The following MBD5 variants were observed in gnomAD, a reference collection of about 807,000 sequenced individuals.
MBD5 encodes the protein methyl-CpG binding domain protein 5, also known as methyl-CpG-binding domain protein 5.
In MBD5, 13 loss-of-function variants were observed where a neutral mutation model predicts 117.3. The ratio of observed to expected loss-of-function variants is 0.11; its 90% confidence interval spans 0.07 to 0.18. MBD5 has a LOEUF of 0.18. Ranked by LOEUF, MBD5 falls within the 10% of genes least tolerant of loss-of-function variation. The pLI is 1.00. For synonymous variants in MBD5, 727 were observed against 766.4 expected (o/e 0.95, Z 0.85); for missense variants, 1,879 against 2,093.8 (o/e 0.90, Z 2.00).
intron 8 of MBD5, among the ~76,000 whole-genome samples, chr2:148,478,188 T>C (rs1681031219): frequency 6.6e-6 from 1 of 152,204 alleles, no homozygotes; most frequent in African/African-American, 2.4e-5. Flanking sequence ...TAAATTAATA[T>C]TAGGAAAATA....
intron 3 of MBD5, among the ~76,000 whole-genome samples, chr2:148,255,132 C>T (rs1342616935): frequency 6.6e-5 from 10 of 152,190 alleles, no homozygotes; most frequent in Admixed American, 1.3e-4. Context: ...TGTTAACCTA[C>T]GGTCAAAACG....
chr2:148,424,263 A>T (rs1156579990), intron 4 of MBD5, among the ~76,000 whole-genome samples: 3 of 151,380 alleles, frequency 2.0e-5, no homozygotes, highest in African/African-American at 7.3e-5. Context: ...ACTTTAAACC[A>T]ACAAAGATCA....
At chr2:148,491,917 G>A (rs1338061947) in intron 11 of MBD5, among the ~76,000 whole-genome samples, 1 of 151,888 alleles carries the variant, frequency 6.6e-6, no homozygotes, top group African/African-American at 2.4e-5. Flanking sequence ...TACAATGTCT[G>A]TGCAAACGAA....
chr2:148,036,670 G>C (rs1052345093), intron 1 of MBD5, among the ~76,000 whole-genome samples: 2 of 151,852 alleles, frequency 1.3e-5, no homozygotes, highest in African/African-American at 4.8e-5. Context: ...TACTATATAT[G>C]GGCTCAGTGC....
chr2:148,458,164 C>T (rs1001509468), intron 4 of MBD5, 39 bp from the exon 5 acceptor site: 2 of 398,230 alleles, frequency 5.0e-6, no homozygotes, highest in East Asian at 7.1e-5. Flanking sequence ...CAGTTTTCAA[C>T]ATTAAATATA....
chr2:148,387,394 A>G (rs1053614630), intron 4 of MBD5, among the ~76,000 whole-genome samples: 19 of 152,274 alleles, frequency 1.2e-4, no homozygotes, highest in African/African-American at 4.6e-4. Flanking sequence ...AATAGAAAGG[A>G]AGTCCTTAAC....
In MBD5 at chr2:148,286,749, G is replaced by A. The variant is rs554378899; in HGVS notation, c.-680+53354G>A. ...TTGTTGTTATTATCTAAGAATAATT[G>A]CAGCCAGGACAAGGAATCTAAATGA... On this transcript the variant is annotated intron_variant, in intron 3 of 13. Transcript: ENST00000642680. Among the ~76,000 whole-genome samples the A allele has an allele frequency of 1.2e-4, 19 of 152,164 alleles. 1 individual carries two copies. The South Asian group carries it at 3.1e-3, about 25-fold the overall frequency.
intron 11 of MBD5, among the ~76,000 whole-genome samples, chr2:148,496,832 T>G (rs1681717389): frequency 6.6e-6 from 1 of 152,188 alleles, no homozygotes; most frequent in South Asian, 2.1e-4. Flanking sequence ...GGTTAGTTCA[T>G]TTGAAAAAAA....
chr2:148,308,721 CTT>C (rs1002375530), intron 3 of MBD5, among the ~76,000 whole-genome samples: 15 of 152,024 alleles, frequency 9.9e-5, no homozygotes, highest in African/African-American at 3.4e-4. Context: ...GTCTTGAAGT[CTT>C]TGCCCATGCC....
chr2:148,122,267 A>G (rs1558934759), intron 1 of MBD5, among the ~76,000 whole-genome samples: 1 of 152,180 alleles, frequency 6.6e-6, no homozygotes. Context: ...CACTAAATTT[A>G]TTGACTTTTA....
intron 4 of MBD5, among the ~76,000 whole-genome samples, chr2:148,371,607 T>A (rs1285698595): frequency 6.6e-6 from 1 of 152,162 alleles, no homozygotes; most frequent in East Asian, 1.9e-4. Flanking sequence ...AAGTGTGTGA[T>A]CTTTTAGTAA....
chr2:148,158,539 A>G (rs1164678714), intron 1 of MBD5, among the ~76,000 whole-genome samples: 1 of 152,216 alleles, frequency 6.6e-6, no homozygotes, highest in Non-Finnish European at 1.5e-5. Context: ...AAACGTTACT[A>G]GTATACCAAC....
intron 2 of MBD5, among the ~76,000 whole-genome samples, chr2:148,221,004 T>C (rs1053388562): frequency 3.3e-5 from 5 of 152,152 alleles, no homozygotes; most frequent in African/African-American, 1.2e-4. Context: ...GTTTTGATTT[T>C]TAGATCTCAC....
chr2:148,326,818 A>G, intron 3 of MBD5, among the ~76,000 whole-genome samples: 1 of 150,920 alleles, frequency 6.6e-6, no homozygotes, highest in African/African-American at 2.4e-5. Context: ...TTTTAATTGG[A>G]GCATTTAGTC....
chr2:148,393,896 G>A (rs1704633185), intron 4 of MBD5, among the ~76,000 whole-genome samples: 5 of 152,094 alleles, frequency 3.3e-5, no homozygotes, highest in Admixed American at 3.3e-4. Context: ...GGCATGTTGG[G>A]GGCAATAGGA....
intron 11 of MBD5, among the ~76,000 whole-genome samples, chr2:148,497,023 A>T (rs1369344252): frequency 1.3e-5 from 2 of 152,036 alleles, no homozygotes; most frequent in South Asian, 2.1e-4. Flanking sequence ...GTTAGCAGAA[A>T]TTTTTTCAGT....
chr2:148,405,916 C>T (rs1393130536), intron 4 of MBD5, among the ~76,000 whole-genome samples: 1 of 152,010 alleles, frequency 6.6e-6, no homozygotes, highest in Non-Finnish European at 1.5e-5. Context: ...CCCAGGAGTT[C>T]GAGACCAGCC....
At chr2:148,368,658 T>C (rs1030614421) in intron 4 of MBD5, among the ~76,000 whole-genome samples, 2 of 152,018 alleles carry the variant, frequency 1.3e-5, no homozygotes, top group African/African-American at 4.8e-5. Context: ...AATTTGAGCA[T>C]TAAGATAAAT....
At position 148,151,864 on chromosome 2, in the gene MBD5, C is replaced by A. The variant is rs1276545001; in HGVS notation, c.-924-26836C>A. On this transcript the variant is annotated intron_variant, in intron 1 of 13. Coordinates refer to ENST00000642680, the MANE Select transcript of MBD5 (RefSeq NM_001378120.1). ...TTTATTCGTCTTGCTAGCGGTCTAT[C>A]AATTTTGTTGATCCTTTCAAAAAAC... Among the ~76,000 whole-genome samples the A allele has an allele frequency of 3.3e-5, 5 of 152,086 alleles. No individual in the cohort carries two copies. In the East Asian group the frequency reaches 5.8e-4, roughly 18 times the overall value.
Sources: gnomAD v4.1 joint callset for allele counts (sites outside exome capture counted in the v4.1 genomes callset) on GRCh38, gnomAD v4.1.1 for gene constraint, MANE v1.5 for transcripts, NCBI Gene and HGNC (gene_info 2026-07-23, HGNC 2026-07-21) for gene names.